Variants in NRXN3 observed in about 807,000 individuals in gnomAD.
NRXN3 encodes the protein neurexin 3.
Under a neutral mutation model 137.6 loss-of-function variants are expected in NRXN3, and 32 were observed. The ratio of observed to expected loss-of-function variants is 0.23; its 90% CI spans 0.18 to 0.31. The LOEUF (loss-of-function observed/expected upper bound fraction) is 0.31. Among genes scored for constraint, NRXN3 ranks in the 10% least tolerant of loss-of-function variants. NRXN3 has a pLI of 1.00. For synonymous variants in NRXN3, 798 were observed against 784.5 expected (o/e 1.02, Z -0.29); for missense variants, 1,574 against 2,062.5 (o/e 0.76, Z 4.59).
chr14:78,932,064 C>T (rs929849366), intron 10 of NRXN3, among the ~76,000 whole-genome samples: 9 of 152,004 alleles, frequency 5.9e-5, no homozygotes, highest in Non-Finnish European at 1.2e-4. Flanking sequence ...CTCTTGAACC[C>T]GGGAGATGGA....
intron 4 of NRXN3, among the ~76,000 whole-genome samples, chr14:78,333,984 G>A (rs535210114): frequency 2.0e-5 from 3 of 152,124 alleles, no homozygotes; most frequent in Non-Finnish European, 4.4e-5. Context: ...TTGGAAGGTA[G>A]AGCCAGCAGT....
chr14:79,252,329 G>A (rs2076049832), intron 15 of NRXN3, among the ~76,000 whole-genome samples: 1 of 151,988 alleles, frequency 6.6e-6, no homozygotes. Context: ...CCTTACAACT[G>A]GAATCTATTT....
chr14:78,546,903 G>A (rs1295308110), intron 4 of NRXN3, among the ~76,000 whole-genome samples: 1 of 152,154 alleles, frequency 6.6e-6, no homozygotes, highest in South Asian at 2.1e-4. Context: ...AGGTCACAGA[G>A]GAGGTCAAGT....
chr14:79,835,219 G>T (rs1055438760), intron 20 of NRXN3, among the ~76,000 whole-genome samples: 1 of 152,094 alleles, frequency 6.6e-6, no homozygotes, highest in African/African-American at 2.4e-5. Context: ...GGTAATGCCG[G>T]TATAATTTAG....
chr14:79,490,760 C>A (rs538052390), intron 16 of NRXN3, among the ~76,000 whole-genome samples: 1 of 151,928 alleles, frequency 6.6e-6, no homozygotes, highest in African/African-American at 2.4e-5. Flanking sequence ...GGTAGCACAA[C>A]AGGGTGACTG....
chr14:78,325,702 A>AT (rs1431705449), intron 4 of NRXN3, among the ~76,000 whole-genome samples: 1 of 151,980 alleles, frequency 6.6e-6, no homozygotes, highest in Non-Finnish European at 1.5e-5. Flanking sequence ...GGGGATCTAG[A>AT]TTCTTTCCCA....
rs80183470 is a variant in NRXN3 at position 79,206,265 on chromosome 14, C to T, written c.3262+218124C>T. The stretch of plus-strand genomic sequence containing the variant: ...GCCAGACATTCTTAAAGGATTTGCA[C>T]GTATTAATCCTTACAAGGGCCTTCG... On this transcript the variant is annotated intron_variant, in intron 15 of 20. Transcript: ENST00000335750. 0.012 allele frequency among the ~76,000 whole-genome samples: 1,837 copies of T among 152,220 alleles called. 122 individuals are homozygous for T. The East Asian group carries it at 0.17, about 14-fold the overall frequency.
chr14:79,516,314 G>A (rs1259214086), intron 16 of NRXN3, among the ~76,000 whole-genome samples: 1 of 152,152 alleles, frequency 6.6e-6, no homozygotes, highest in Non-Finnish European at 1.5e-5. Flanking sequence ...AATGCTGCCT[G>A]TTTTCCAGGT....
intron 15 of NRXN3, among the ~76,000 whole-genome samples, chr14:79,105,531 A>G (rs778387196): frequency 8.5e-5 from 13 of 152,146 alleles, no homozygotes; most frequent in Non-Finnish European, 1.8e-4. Flanking sequence ...AGTTTTACCC[A>G]ATGGGTAAAG....
chr14:78,771,108 G>A (rs2098726318), intron 8 of NRXN3, among the ~76,000 whole-genome samples: 1 of 152,156 alleles, frequency 6.6e-6, no homozygotes. Context: ...GTTGCTAATT[G>A]TGCAGAACCC....
In NRXN3 at chr14:78,243,950, CT is replaced by C; in HGVS notation, c.709+151del. ...TTGCCCTAAGGAGGCAGTGGAAATC[CT>C]TTGCCTACTCTTAATGGAGAATCTG... On this transcript the variant is annotated intron_variant, in intron 2 of 20. Coordinates refer to ENST00000335750, the MANE Select transcript of NRXN3 (RefSeq NM_001330195.2). The surrounding 1 kb of genome is among the most constrained non-coding windows in gnomAD (Gnocchi z 4.2). The C allele has an allele frequency of 1.6e-6, 1 of 636,942 alleles. No homozygotes were observed. Among genetic ancestry groups the C allele is most frequent in the Non-Finnish European group, 2.7e-6 (1 of 370,400 alleles). 39.5% of individuals were successfully genotyped at this position (636,942 alleles called of 1,614,324 possible).
chr14:79,727,782 TGGCCTGGAG>T (rs887179565), intron 19 of NRXN3, among the ~76,000 whole-genome samples: 3 of 152,202 alleles, frequency 2.0e-5, no homozygotes, highest in African/African-American at 7.2e-5. Flanking sequence ...CTCTTCTCAT[TGGCCTGGAG>T]GGAAATTGCT....
rs1321419649 is a variant in NRXN3 at position 78,630,589 on chromosome 14, C to T, written c.758-14531C>T. On this transcript the variant is annotated intron_variant, in intron 4 of 20. Coordinates refer to ENST00000335750, the MANE Select transcript of NRXN3 (RefSeq NM_001330195.2). Reference sequence around the variant, plus strand: ...TACTACACTCTTCTTATTTTTCTTTCTTTCTTTCTTTTTTTTTTTTTTTTG... The same window carrying T: ...TACTACACTCTTCTTATTTTTCTTTTTTTCTTTCTTTTTTTTTTTTTTTTG... Among the ~76,000 whole-genome samples, 3 of 128,820 alleles carry T rather than the reference C, an allele frequency of 2.3e-5. No homozygotes were observed. The Admixed American group carries it at 2.4e-4, about 10-fold the overall frequency. 84.5% of individuals were successfully genotyped at this position (128,820 alleles called of 152,430 possible). A position where few individuals can be genotyped will look rare whatever the true frequency, so the allele number is the denominator to read the frequency against.
At chr14:79,567,626 C>T (rs1387032831) in intron 16 of NRXN3, among the ~76,000 whole-genome samples, 1 of 152,086 alleles carries the variant, frequency 6.6e-6, no homozygotes, top group Non-Finnish European at 1.5e-5. Context: ...GGAACATCTG[C>T]TGATTCCTCC....
chr14:79,381,944 T>A (rs1048798243), intron 15 of NRXN3, among the ~76,000 whole-genome samples: 2 of 152,200 alleles, frequency 1.3e-5, no homozygotes, highest in Non-Finnish European at 2.9e-5. Flanking sequence ...ATCCTCTGAA[T>A]GAATATTAAC....
At chr14:79,268,183 G>T (rs1305533190) in intron 15 of NRXN3, among the ~76,000 whole-genome samples, 1 of 152,134 alleles carries the variant, frequency 6.6e-6, no homozygotes, top group Admixed American at 6.5e-5. Flanking sequence ...TTAAATCACA[G>T]ATTTGTCATT....
At chr14:78,827,273 A>AG (rs907841827) in intron 10 of NRXN3, among the ~76,000 whole-genome samples, 17 of 139,516 alleles carry the variant, frequency 1.2e-4, no homozygotes, top group Middle Eastern at 3.3e-3. Flanking sequence ...AGAGGACCGA[A>AG]AAAAAAAAAA....
chr14:79,704,497 C>T (rs1209590762), intron 19 of NRXN3, among the ~76,000 whole-genome samples: 1 of 152,134 alleles, frequency 6.6e-6, no homozygotes, highest in Non-Finnish European at 1.5e-5. Flanking sequence ...GATAAGGAAT[C>T]TACACAGTTT....
intron 10 of NRXN3, among the ~76,000 whole-genome samples, chr14:78,855,511 T>TCTGTGTAC (rs1292938095): frequency 2.0e-5 from 3 of 152,168 alleles, no homozygotes; most frequent in African/African-American, 7.2e-5. Context: ...GAATTATATG[T>TCTGTGTAC]CTGTGTACCT....
Sources: allele counts gnomAD v4.1 joint callset (sites outside exome capture counted in the v4.1 genomes callset), GRCh38; gene constraint gnomAD v4.1.1; non-coding constraint Gnocchi (gnomAD v3.1); transcripts MANE v1.5; gene names NCBI Gene and HGNC (gene_info 2026-07-23, HGNC 2026-07-21).